The following TMEM272 variants were observed in gnomAD, a reference collection of about 807,000 sequenced individuals.
The protein encoded by TMEM272 is transmembrane protein 272.
Under a neutral mutation model 3.7 loss-of-function variants are expected in TMEM272, and 8 were observed. The ratio of observed to expected loss-of-function variants is 2.17; its 90% CI spans 1.27 to 3.91. The LOEUF (loss-of-function observed/expected upper bound fraction) is 3.91. TMEM272 is among the 30% of genes most tolerant of loss of function. The pLI, the probability that TMEM272 is intolerant of heterozygous loss-of-function variation, is 0.00. For synonymous variants in TMEM272, 63 were observed against 39.8 expected (o/e 1.58, Z -2.20); for missense variants, 166 against 91.5 (o/e 1.81, Z -3.32).
the TMEM272 span, among the ~76,000 whole-genome samples, chr13:51,914,732 A>T: frequency 6.6e-6 from 1 of 152,208 alleles, no homozygotes; most frequent in Non-Finnish European, 1.5e-5. Flanking sequence ...ACAGAGCAGC[A>T]GCCTCACAGC....
the TMEM272 span, chr13:51,909,349 G>C: frequency 4.6e-6 from 4 of 872,110 alleles, no homozygotes; most frequent in Non-Finnish European, 7.7e-6. Flanking sequence ...CAGGTCTCCA[G>C]CTCTTCAGTG....
the TMEM272 span, chr13:51,909,978 T>G: frequency 6.3e-7 from 1 of 1,581,884 alleles, no homozygotes; most frequent in African/African-American, 1.3e-5. Flanking sequence ...AAGTTGACAA[T>G]TTTCACTCGA....
chr13:51,861,413 CTATT>C, the TMEM272 span, among the ~76,000 whole-genome samples: 1 of 151,988 alleles, frequency 6.6e-6, no homozygotes, highest in Non-Finnish European at 1.5e-5. Flanking sequence ...ATTTACTTGA[CTATT>C]TAAAAATTTT....
At chr13:51,924,128 C>A in the TMEM272 span, among the ~76,000 whole-genome samples, 2 of 152,206 alleles carry the variant, frequency 1.3e-5, no homozygotes, top group African/African-American at 2.4e-5. Flanking sequence ...AGCTGCTTCT[C>A]CCCAGAGCCT....
the TMEM272 span, among the ~76,000 whole-genome samples, chr13:51,889,848 T>C: frequency 6.6e-6 from 1 of 152,174 alleles, no homozygotes; most frequent in African/African-American, 2.4e-5. Flanking sequence ...TCCATGTTGG[T>C]CGGGCTCATC....
At position 51,841,681 on chromosome 13, in the gene TMEM272, A is replaced by C. The variant is rs77267375; in HGVS notation, c.-23-3128T>G. On this transcript the variant is annotated intron_variant, in intron 1 of 4. Transcript: ENST00000629372. ...AAATAAGGTAGAAACATCAATTTGA[A>C]AAACAGTGATATCTTTATTGATAAT... Among the ~76,000 whole-genome samples, 621 of 152,340 alleles carry C rather than the reference A, an allele frequency of 4.1e-3. 2 individuals are homozygous for C. Among genetic ancestry groups the C allele is most frequent in the African/African-American group, 0.013 (541 of 41,570 alleles).
At chr13:51,874,040 G>T in the TMEM272 span, among the ~76,000 whole-genome samples, 1 of 152,176 alleles carries the variant, frequency 6.6e-6, no homozygotes, top group Non-Finnish European at 1.5e-5. Context: ...CCAGACCTCA[G>T]TGAAGAGAAA....
At chr13:51,903,365 T>G in the TMEM272 span, among the ~76,000 whole-genome samples, 3 of 152,174 alleles carry the variant, frequency 2.0e-5, no homozygotes, top group Non-Finnish European at 2.9e-5. Flanking sequence ...TGGTTTCCAA[T>G]AAGACACTTC....
the TMEM272 span, among the ~76,000 whole-genome samples, chr13:51,896,889 C>T: frequency 2.0e-5 from 3 of 152,180 alleles, no homozygotes; most frequent in African/African-American, 7.2e-5. Context: ...TGGGGTAGGA[C>T]CCAGGCAGGT....
the TMEM272 span, among the ~76,000 whole-genome samples, chr13:51,859,472 G>T: frequency 6.9e-6 from 1 of 144,408 alleles, no homozygotes; most frequent in Non-Finnish European, 1.5e-5. Context: ...ATCACTAAAG[G>T]TATGCCCAAC....
chr13:51,878,001 G>A, the TMEM272 span, among the ~76,000 whole-genome samples: 12 of 152,184 alleles, frequency 7.9e-5, no homozygotes, highest in African/African-American at 2.2e-4. Flanking sequence ...TTGCGGTTCC[G>A]CGGGGCTGAA....
chr13:51,920,692 C>G, the TMEM272 span, among the ~76,000 whole-genome samples: 2 of 152,350 alleles, frequency 1.3e-5, no homozygotes, highest in East Asian at 3.9e-4. Context: ...CTCCTCTACC[C>G]TGCTGTCCTG....
At chr13:51,888,653 T>C in the TMEM272 span, among the ~76,000 whole-genome samples, 2 of 135,490 alleles carry the variant, frequency 1.5e-5, no homozygotes, top group Non-Finnish European at 3.2e-5. Flanking sequence ...TTTTTTTTTT[T>C]TTTTTTTTTT....
chr13:51,877,057 T>C, the TMEM272 span, among the ~76,000 whole-genome samples: 1 of 152,176 alleles, frequency 6.6e-6, no homozygotes, highest in Non-Finnish European at 1.5e-5. Flanking sequence ...CACTCACCAG[T>C]GTTCCTAGGA....
chr13:51,856,699 T>C, the TMEM272 span, among the ~76,000 whole-genome samples: 4 of 152,136 alleles, frequency 2.6e-5, no homozygotes, highest in African/African-American at 9.7e-5. Context: ...AAAGCACATC[T>C]GGTCACATCA....
At chr13:51,918,419 G>T in the TMEM272 span, among the ~76,000 whole-genome samples, 4 of 152,040 alleles carry the variant, frequency 2.6e-5, no homozygotes, top group Admixed American at 2.6e-4. Flanking sequence ...CATGGCATCC[G>T]GGATTTACTT....
intron 1 of TMEM272, among the ~76,000 whole-genome samples, chr13:51,843,389 A>G (rs965803975): frequency 6.6e-6 from 1 of 152,196 alleles, no homozygotes; most frequent in African/African-American, 2.4e-5. Flanking sequence ...ACAACTCACA[A>G]AAAACTGCAC....
the TMEM272 span, among the ~76,000 whole-genome samples, chr13:51,917,018 G>C: frequency 6.6e-6 from 1 of 152,164 alleles, no homozygotes; most frequent in Admixed American, 6.5e-5. Flanking sequence ...GACAAGTAAG[G>C]CCCCGTTAAC....
At chr13:51,894,143 G>A in the TMEM272 span, among the ~76,000 whole-genome samples, 1 of 152,216 alleles carries the variant, frequency 6.6e-6, no homozygotes, top group Admixed American at 6.5e-5. Flanking sequence ...GTTAAAAAGT[G>A]TCAGCAACAA....
Sources: gnomAD v4.1 joint callset for allele counts (sites outside exome capture counted in the v4.1 genomes callset) on GRCh38, gnomAD v4.1.1 for gene constraint, MANE v1.5 for transcripts, NCBI Gene and HGNC (gene_info 2026-07-23, HGNC 2026-07-21) for gene names.